MAP3K9: variants seen among roughly 807,000 people sequenced by gnomAD.
MAP3K9 encodes the protein mitogen-activated protein kinase kinase kinase 9.
MAP3K9 carries 46 observed loss-of-function variants against 95.8 expected under a neutral mutation model. That is an observed-to-expected ratio of 0.48 (90% CI 0.38 to 0.61). The LOEUF is 0.61. Among genes scored for constraint, MAP3K9 ranks in the 20% least tolerant of loss-of-function variants. MAP3K9 has a pLI of 0.00. For missense variants in MAP3K9, 1,296 were observed against 1,474.3 expected, an observed-to-expected ratio of 0.88 and a Z score of 1.98; for synonymous variants, 533 against 593.8, an observed-to-expected ratio of 0.90 and a Z score of 1.49.
At chr14:70,778,505 A>C (rs8022401) in intron 2 of MAP3K9, among the ~76,000 whole-genome samples, 43,470 of 151,748 alleles carry the variant, frequency 0.29, 6,625 homozygotes, top group Admixed American at 0.34. Context: ...CAAACTCCTG[A>C]CCTCAGGTGA....
In MAP3K9 at chr14:70,761,143, T is replaced by C. The variant is rs2054369061; in HGVS notation, c.860A>G (p.Asn287Ser). The C allele has an allele frequency of 1.2e-6, 2 of 1,614,070 alleles. No homozygotes were observed. Among genetic ancestry groups the C allele is most frequent in the Admixed American group, 3.3e-5 (2 of 60,016 alleles). Residue 287 changes from asparagine (N) to serine (S), a missense_variant, in exon 3 of 12, where the codon AAC (asparagine) becomes AGC (serine). Around this residue, in one of 5 missense-constraint regions of MAP3K9, gnomAD observed 136 missense variants for 221.5 expected, o/e 0.61. Coordinates refer to ENST00000554752, the MANE Select transcript of MAP3K9 (RefSeq NM_001284230.2). ...AAAATCAGTGATCTTCAGAATCTTGTTGCTCAGGTCTCCATTCTCCACCTT... is the reference window on the plus strand; with the variant it reads ...AAAATCAGTGATCTTCAGAATCTTGCTGCTCAGGTCTCCATTCTCCACCTT... ...LQKVENGDLS[N>S]KILKITDFGL...
At chr14:70,801,131 C>A in intron 1 of MAP3K9, 51 bp from the exon 2 acceptor site, 1 of 1,532,016 alleles carries the variant, frequency 6.5e-7, no homozygotes, top group South Asian at 1.2e-5. Context: ...TTGAAAACAT[C>A]GTATTTAACC....
At chr14:70,776,833 CTTTTT>C (rs11361103) in intron 2 of MAP3K9, among the ~76,000 whole-genome samples, 2 of 138,498 alleles carry the variant, frequency 1.4e-5, no homozygotes, top group Non-Finnish European at 3.1e-5. Flanking sequence ...AGATCTCTCA[CTTTTT>C]TTTTTTTTTT....
Position 70,809,010 on chromosome 14 carries a change from C to A in MAP3K9, c.162G>T (p.Leu54=). 1 of 1,523,990 alleles carries A rather than the reference C, an allele frequency of 6.6e-7. No individual in the cohort carries two copies. Among genetic ancestry groups the A allele is most frequent in the Non-Finnish European group, 8.8e-7 (1 of 1,141,884 alleles). The allele number at this position is 1,523,990 out of a possible 1,614,324, so 94.4% of individuals were successfully genotyped here. Reference sequence around the variant, plus strand: ...ACTCGAACACGGCCGTCCAGTAGGGCAGCGGCGCGTCGCAGCCCAGCTCCC... The same window carrying A: ...ACTCGAACACGGCCGTCCAGTAGGGAAGCGGCGCGTCGCAGCCCAGCTCCC... ...GPGELGCDAP[L]PYWTAVFEYE... The change falls in exon 1 of 12, where the codon CTG becomes CTT. Residue 54 remains leucine, a synonymous_variant. Coordinates refer to ENST00000554752, the MANE Select transcript of MAP3K9 (RefSeq NM_001284230.2).
intron 2 of MAP3K9, among the ~76,000 whole-genome samples, chr14:70,781,093 T>C (rs2139825741): frequency 6.6e-6 from 1 of 152,360 alleles, no homozygotes; most frequent in Non-Finnish European, 1.5e-5. Flanking sequence ...GGTGGGTCTG[T>C]GTCCTCTCCA....
At chr14:70,761,535 G>T (rs1201643486) in intron 2 of MAP3K9, among the ~76,000 whole-genome samples, 1 of 152,134 alleles carries the variant, frequency 6.6e-6, no homozygotes, top group Non-Finnish European at 1.5e-5. Context: ...GGCCGAGACG[G>T]GTGGATCACC....
At chr14:70,771,840 C>T (rs935601819) in intron 2 of MAP3K9, among the ~76,000 whole-genome samples, 5 of 152,218 alleles carry the variant, frequency 3.3e-5, no homozygotes, top group African/African-American at 1.2e-4. Context: ...CTTCCTACAG[C>T]ACGTTGCCTC....
chr14:70,788,099 CTT>C (rs1474668026), intron 2 of MAP3K9, among the ~76,000 whole-genome samples: 1 of 152,158 alleles, frequency 6.6e-6, no homozygotes. Flanking sequence ...AGGACAGAGA[CTT>C]TTCTTTTTTC....
chr14:70,783,690 C>T (rs1044796470), intron 2 of MAP3K9, among the ~76,000 whole-genome samples: 1 of 152,206 alleles, frequency 6.6e-6, no homozygotes, highest in African/African-American at 2.4e-5. Context: ...TAAGTGGGCA[C>T]CACAAAGCAT....
At chr14:70,768,749 C>T (rs2054491482) in intron 2 of MAP3K9, among the ~76,000 whole-genome samples, 1 of 152,082 alleles carries the variant, frequency 6.6e-6, no homozygotes, top group Non-Finnish European at 1.5e-5. Context: ...AGGAGACTCT[C>T]CCATTAGGTC....
At chr14:70,785,382 C>G (rs1283701109) in intron 2 of MAP3K9, among the ~76,000 whole-genome samples, 2 of 152,126 alleles carry the variant, frequency 1.3e-5, no homozygotes, top group Non-Finnish European at 2.9e-5. Flanking sequence ...TACATTCATA[C>G]CTATGATAAA....
intron 2 of MAP3K9, among the ~76,000 whole-genome samples, chr14:70,777,411 C>G (rs1045450510): frequency 6.6e-6 from 1 of 152,178 alleles, no homozygotes; most frequent in Non-Finnish European, 1.5e-5. Context: ...GACCCCAGCT[C>G]CACTGTTCAC....
Position 70,740,054 on chromosome 14 carries a change from G to A in MAP3K9, c.1678C>T (p.Arg560Ter), listed in dbSNP as rs1594769632. ...GAAACAGTCTCACACTGGATGGCTC[G>A]AAGGCGAGGAATGATGGTGGGGCTT... ...PASPTIIPRLRAIQLTPGESS... is the reference protein window; with the variant it reads ...PASPTIIPRL Residue 560 changes from arginine (R) to a stop codon, truncating the protein, a stop_gained, in exon 7 of 12, where the codon CGA becomes TGA. Transcript: ENST00000554752. LOFTEE classifies it high-confidence loss of function. 2 of 1,614,200 alleles carry A rather than the reference G, an allele frequency of 1.2e-6. No homozygotes were observed. The highest frequency in any genetic ancestry group is 1.7e-6 in the Non-Finnish European group (2 of 1,180,034).
chr14:70,759,315 G>A (rs935824223), intron 3 of MAP3K9, among the ~76,000 whole-genome samples: 37 of 152,024 alleles, frequency 2.4e-4, no homozygotes, highest in African/African-American at 8.7e-4. Context: ...TGTGGTGCAC[G>A]CCTATAATCC....
intron 5 of MAP3K9, among the ~76,000 whole-genome samples, chr14:70,742,901 T>TTTTA (rs1555367841): frequency 5.5e-5 from 2 of 36,528 alleles, no homozygotes; most frequent in African/African-American, 2.2e-4. Flanking sequence ...TGCCTGTGAT[T>TTTTA]TATATATATT....
chr14:70,752,339 C>T (rs924998132), intron 3 of MAP3K9, among the ~76,000 whole-genome samples: 1 of 152,142 alleles, frequency 6.6e-6, no homozygotes, highest in Non-Finnish European at 1.5e-5. Context: ...AGGACCTAGC[C>T]CAAGCTCTGG....
chr14:70,782,017 T>G (rs1282276205), intron 2 of MAP3K9, among the ~76,000 whole-genome samples: 1 of 152,202 alleles, frequency 6.6e-6, no homozygotes, highest in South Asian at 2.1e-4. Context: ...TGGGAGGTCA[T>G]AGCTATGGCC....
intron 5 of MAP3K9, among the ~76,000 whole-genome samples, chr14:70,746,802 A>C (rs1171260257): frequency 6.6e-6 from 1 of 152,224 alleles, no homozygotes; most frequent in Non-Finnish European, 1.5e-5. Context: ...CAAAATCCAA[A>C]CTTCATTTTT....
At position 70,724,501 on chromosome 14, in the gene MAP3K9, A is replaced by G. The variant is rs1371266030; in HGVS notation, c.*5879T>C. ...GCAGGCAGGGCTGGGTATAGAGTGGAGTGAGGCCCTCACCTTGGGTTAAAA... is the reference window on the plus strand; with the variant it reads ...GCAGGCAGGGCTGGGTATAGAGTGGGGTGAGGCCCTCACCTTGGGTTAAAA... On this transcript the variant is annotated 3_prime_UTR_variant, in exon 12 of 12. Transcript: ENST00000554752. 5 of 151,280 alleles carry G rather than the reference A, an allele frequency of 3.3e-5. No individual in the cohort carries two copies. The highest frequency in any genetic ancestry group is 7.4e-5 in the Non-Finnish European group (5 of 67,800). 9.4% of individuals were successfully genotyped at this position (151,280 alleles called of 1,614,324 possible).
Sources: gnomAD v4.1 joint callset for allele counts (sites outside exome capture counted in the v4.1 genomes callset) on GRCh38, gnomAD v4.1.1 for gene constraint, gnomAD v4.1.1 regional missense constraint, MANE v1.5 for transcripts, NCBI Gene and HGNC (gene_info 2026-07-23, HGNC 2026-07-21) for gene names.